Variants in MAMDC2 observed in about 807,000 individuals in gnomAD.
The protein encoded by MAMDC2 is MAM domain-containing protein 2.
Under a neutral mutation model 89.8 loss-of-function variants are expected in MAMDC2, and 57 were observed. The ratio of observed to expected loss-of-function variants is 0.63; its 90% CI spans 0.51 to 0.79. The LOEUF is 0.79. MAMDC2 is among the 30% of genes least tolerant of loss of function. The pLI, the probability that MAMDC2 is intolerant of heterozygous loss-of-function variation, is 0.00. For synonymous variants in MAMDC2, 313 were observed against 293.4 expected (o/e 1.07, Z -0.68); for missense variants, 800 against 820.6 (o/e 0.97, Z 0.31).
chr9:70,097,248 G>C (rs1828052335), intron 2 of MAMDC2, among the ~76,000 whole-genome samples: 2 of 152,322 alleles, frequency 1.3e-5, no homozygotes, highest in African/African-American at 4.8e-5. Flanking sequence ...AGGTTCTGTA[G>C]TTGTCGGCCA....
chr9:70,112,509 C>T (rs1168228970), intron 4 of MAMDC2, among the ~76,000 whole-genome samples: 2 of 152,146 alleles, frequency 1.3e-5, no homozygotes, highest in African/African-American at 4.8e-5. Flanking sequence ...GAATGGAGGA[C>T]TGGGCCAGTA....
intron 2 of MAMDC2, among the ~76,000 whole-genome samples, chr9:70,061,065 G>A (rs1279119674): frequency 1.3e-5 from 2 of 152,168 alleles, no homozygotes; most frequent in Non-Finnish European, 2.9e-5. Context: ...TGCACAGTGT[G>A]TTGCATTTCT....
intron 2 of MAMDC2, among the ~76,000 whole-genome samples, chr9:70,077,891 A>G (rs1297208724): frequency 1.3e-5 from 2 of 151,034 alleles, no homozygotes; most frequent in African/African-American, 4.9e-5. Flanking sequence ...GCCCAGCCCA[A>G]ACAACAAAAG....
chr9:70,208,889 C>G (rs1322538403), intron 11 of MAMDC2, among the ~76,000 whole-genome samples: 1 of 151,936 alleles, frequency 6.6e-6, no homozygotes, highest in African/African-American at 2.4e-5. Flanking sequence ...TTGAGATAAT[C>G]ATGTGGTTTT....
chr9:70,225,980 C>T lies in MAMDC2; in HGVS notation c.2009C>T (p.Thr670Ile). Residue 670 changes from threonine to isoleucine, a missense_variant, in exon 14 of 14, where the codon ACA (threonine) becomes ATA (isoleucine). By Grantham distance (89) the Thr-to-Ile change is moderately conservative. Transcript: ENST00000377182. ...QAGPCGEMED[T>I]TQQSSGYSED... is the part of the protein sequence containing the mutation. Reference sequence around the variant, plus strand: ...TCTTTCCTGACAGAAATGGAAGATACAACTCAACAATCATCAGGATATTCT... The same window carrying T: ...TCTTTCCTGACAGAAATGGAAGATATAACTCAACAATCATCAGGATATTCT... 6.3e-7 allele frequency: 1 copy of T among 1,580,486 alleles called. No individual in the cohort carries two copies. The highest frequency in any genetic ancestry group is 8.6e-7 in the Non-Finnish European group (1 of 1,158,390).
chr9:70,146,717 G>T (rs147890350), intron 9 of MAMDC2, among the ~76,000 whole-genome samples: 10,427 of 152,142 alleles, frequency 0.069, 554 homozygotes, highest in East Asian at 0.22. Flanking sequence ...TCGATCACCT[G>T]AGGTCAGGAG....
chr9:70,141,593 C>T (rs554716832), intron 8 of MAMDC2, among the ~76,000 whole-genome samples: 3 of 152,220 alleles, frequency 2.0e-5, no homozygotes, highest in African/African-American at 7.2e-5. Context: ...TGATGTAAGA[C>T]AGATTAACAA....
chr9:70,149,174 C>G (rs945785959), intron 9 of MAMDC2, among the ~76,000 whole-genome samples: 6 of 146,534 alleles, frequency 4.1e-5, no homozygotes, highest in Non-Finnish European at 8.9e-5. Context: ...AAGATTTGCA[C>G]TCCAGCCTGG....
intron 11 of MAMDC2, among the ~76,000 whole-genome samples, chr9:70,214,014 C>G (rs377044626): frequency 7.4e-4 from 112 of 152,208 alleles, no homozygotes; most frequent in African/African-American, 2.6e-3. Flanking sequence ...ATCCATTCAA[C>G]AGATATTAAT....
chr9:70,161,866 A>AT (rs1204438933), intron 9 of MAMDC2, among the ~76,000 whole-genome samples: 2 of 152,342 alleles, frequency 1.3e-5, no homozygotes, highest in African/African-American at 4.8e-5. Context: ...TCGTAACCAA[A>AT]TTTATCTGTG....
chr9:70,174,500 G>A (rs1407275799), intron 11 of MAMDC2, among the ~76,000 whole-genome samples: 2 of 152,138 alleles, frequency 1.3e-5, no homozygotes, highest in East Asian at 3.9e-4. Flanking sequence ...GAAAAGAGTT[G>A]AGGTAGCTCA....
intron 11 of MAMDC2, among the ~76,000 whole-genome samples, chr9:70,199,210 C>A (rs1244381628): frequency 2.6e-5 from 1 of 38,158 alleles, no homozygotes. Flanking sequence ...CTCCCCCCAC[C>A]CCACCACAGT....
At chr9:70,056,178 A>G (rs1827020898) in intron 2 of MAMDC2, among the ~76,000 whole-genome samples, 1 of 152,232 alleles carries the variant, frequency 6.6e-6, no homozygotes. Context: ...TTTATGACCA[A>G]AACAATCTAT....
intron 2 of MAMDC2, among the ~76,000 whole-genome samples, chr9:70,069,673 G>C (rs183953332): frequency 4.1e-4 from 63 of 152,298 alleles, no homozygotes; most frequent in Admixed American, 2.0e-3. Context: ...TCCTGAGATG[G>C]AGAACTTTTT....
At position 70,143,647 on chromosome 9, in the gene MAMDC2, G is replaced by A; in HGVS notation, c.1232G>A (p.Cys411Tyr). The change falls in exon 9 of 14, where the codon TGT (cysteine) becomes TAT (tyrosine). Residue 411 changes from cysteine to tyrosine, a missense_variant. Cys to Tyr is a radical substitution (Grantham distance 194). Transcript: ENST00000377182. ...GPSLPGNLQY[C>Y]LRFHYAIYGF... ...TCCCTACCAGGAAACTTGCAGTATT[G>A]TCTGCGTTTTCATTATGCCATCTAT... 1 of 1,614,150 alleles carries A rather than the reference G, an allele frequency of 6.2e-7. No homozygotes were observed. The highest frequency in any genetic ancestry group is 8.5e-7 in the Non-Finnish European group (1 of 1,180,016).
intron 4 of MAMDC2, 111 bp downstream of exon 4, chr9:70,109,915 T>C: frequency 1.2e-6 from 1 of 800,784 alleles, no homozygotes; most frequent in Non-Finnish European, 2.1e-6. Flanking sequence ...TAGAATGCAC[T>C]GCATAATGCA....
chr9:70,117,128 G>A (rs2030041613), intron 5 of MAMDC2, among the ~76,000 whole-genome samples: 2 of 152,158 alleles, frequency 1.3e-5, no homozygotes, highest in Admixed American at 1.3e-4. Flanking sequence ...CCAGAATGAC[G>A]CTTCTTCATT....
At chr9:70,215,222 T>C (rs891973092) in intron 11 of MAMDC2, among the ~76,000 whole-genome samples, 6 of 151,084 alleles carry the variant, frequency 4.0e-5, no homozygotes, top group Admixed American at 1.3e-4. Context: ...AACGTAAGAA[T>C]GTAATTCTAC....
At chr9:70,195,425 T>C (rs1263911910) in intron 11 of MAMDC2, among the ~76,000 whole-genome samples, 1 of 152,124 alleles carries the variant, frequency 6.6e-6, no homozygotes, top group Non-Finnish European at 1.5e-5. Context: ...GAAAGTTTTC[T>C]GACATAGATG....
Sources: gnomAD v4.1 joint callset for allele counts (sites outside exome capture counted in the v4.1 genomes callset) on GRCh38, gnomAD v4.1.1 for gene constraint, MANE v1.5 for transcripts, NCBI Gene and HGNC (gene_info 2026-07-23, HGNC 2026-07-21) for gene names.